Variants in PPP4R3A observed in about 807,000 individuals in gnomAD.
PPP4R3A encodes serine/threonine-protein phosphatase 4 regulatory subunit 3A.
In PPP4R3A, 15 loss-of-function variants were observed where a neutral mutation model predicts 91.7. The observed-to-expected ratio is 0.16, with a 90% CI of 0.11 to 0.25. The LOEUF (loss-of-function observed/expected upper bound fraction) is 0.25. Among genes scored for constraint, PPP4R3A ranks in the 10% least tolerant of loss-of-function variants. The probability of loss-of-function intolerance (pLI) is 1.00; values close to 1 mark genes in which losing one functional copy is unlikely to be tolerated. For synonymous variants in PPP4R3A, 377 were observed against 348.7 expected, an observed-to-expected ratio of 1.08 and a Z score of -0.91; for missense variants, 623 against 998.4, an observed-to-expected ratio of 0.62 and a Z score of 5.07.
At chr14:91,462,628 G>A in intron 12 of PPP4R3A, 107 bp downstream of exon 12, 1 of 1,235,386 alleles carries the variant, frequency 8.1e-7, no homozygotes, top group South Asian at 1.3e-5. Context: ...TTTGCTATCT[G>A]CTGATTTCCC....
intron 1 of PPP4R3A, among the ~76,000 whole-genome samples, chr14:91,499,393 ATAC>A (rs1215242487): frequency 2.6e-5 from 4 of 152,194 alleles, no homozygotes; most frequent in African/African-American, 9.7e-5. Flanking sequence ...GTACAGTGGA[ATAC>A]TACACTACTT....
At chr14:91,478,826 T>C (rs533793899) in intron 4 of PPP4R3A, among the ~76,000 whole-genome samples, 26 of 152,252 alleles carry the variant, frequency 1.7e-4, no homozygotes, top group Non-Finnish European at 3.2e-4. Context: ...CTGCTTTATA[T>C]GTAATGTGTG....
chr14:91,474,967 A>C (rs1275564383), intron 7 of PPP4R3A: 1 of 152,214 alleles, frequency 6.6e-6, no homozygotes, highest in African/African-American at 2.4e-5. Context: ...TCCTTTTGAC[A>C]TCACAATACA....
At chr14:91,464,148 C>A (rs1327055251) in intron 11 of PPP4R3A, among the ~76,000 whole-genome samples, 1 of 152,174 alleles carries the variant, frequency 6.6e-6, no homozygotes, top group African/African-American at 2.4e-5. Flanking sequence ...TAGTGAGACC[C>A]TATCTCTACT....
intron 1 of PPP4R3A, among the ~76,000 whole-genome samples, chr14:91,498,094 G>C (rs1890695849): frequency 6.6e-6 from 1 of 152,142 alleles, no homozygotes; most frequent in African/African-American, 2.4e-5. Context: ...CAGCACTTCA[G>C]GAGGCCAAGG....
rs923204166 is a variant in PPP4R3A at position 91,509,786 on chromosome 14, G to C, written c.-139C>G. 35 of 1,253,898 alleles carry C rather than the reference G, an allele frequency of 2.8e-5. No homozygotes were observed. Among genetic ancestry groups the C allele is most frequent in the Non-Finnish European group, 3.5e-5 (35 of 1,003,914 alleles). 77.7% of individuals were successfully genotyped at this position (1,253,898 alleles called of 1,614,324 possible). A position where few individuals can be genotyped will look rare whatever the true frequency, so the allele number is the denominator to read the frequency against. On this transcript the variant is annotated 5_prime_UTR_variant, in exon 1 of 15. Coordinates refer to ENST00000554943, the MANE Select transcript of PPP4R3A (RefSeq NM_001366432.2). ...TCACTGCCGCCGCTGGGCGCCGCGGGGCCGCGCCGCCGCCTGCATGGCCCG... is the reference window on the plus strand; with the variant it reads ...TCACTGCCGCCGCTGGGCGCCGCGGCGCCGCGCCGCCGCCTGCATGGCCCG...
In PPP4R3A at chr14:91,502,549, T is replaced by C. The variant is rs555406344; in HGVS notation, c.142+6957A>G. 1.2e-4 allele frequency among the ~76,000 whole-genome samples: 18 copies of C among 152,342 alleles called. No individual in the cohort carries two copies. The South Asian group carries it at 1.2e-3, about 11-fold the overall frequency. Reference sequence around the variant, plus strand: ...CTACTGACTGATCTGTTCATTTCTCTCACAGCTCTTACCCCCAAAAGCTTT... The same window carrying C: ...CTACTGACTGATCTGTTCATTTCTCCCACAGCTCTTACCCCCAAAAGCTTT... On this transcript the variant is annotated intron_variant, in intron 1 of 14. Coordinates refer to ENST00000554943, the MANE Select transcript of PPP4R3A (RefSeq NM_001366432.2).
chr14:91,495,713 T>G (rs1890520929), intron 1 of PPP4R3A, among the ~76,000 whole-genome samples: 2 of 151,670 alleles, frequency 1.3e-5, no homozygotes, highest in Non-Finnish European at 2.9e-5. Context: ...AAAAAACAGG[T>G]GGAGTGCAGC....
At chr14:91,484,134 A>G (rs1385020432) in intron 3 of PPP4R3A, among the ~76,000 whole-genome samples, 1 of 152,252 alleles carries the variant, frequency 6.6e-6, no homozygotes, top group Non-Finnish European at 1.5e-5. Context: ...TTGGATGGAA[A>G]GCAAAGAAAA....
chr14:91,468,644 G>A (rs1346660780), intron 10 of PPP4R3A, among the ~76,000 whole-genome samples: 1 of 103,376 alleles, frequency 9.7e-6, no homozygotes, highest in Non-Finnish European at 1.7e-5. Flanking sequence ...CTCCAGCCAA[G>A]GCGACAGAGT....
At chr14:91,497,165 G>C (rs1890625057) in intron 1 of PPP4R3A, among the ~76,000 whole-genome samples, 1 of 152,106 alleles carries the variant, frequency 6.6e-6, no homozygotes, top group Admixed American at 6.6e-5. Context: ...TTAAGAGGGA[G>C]GCAGAGAAGG....
chr14:91,481,069 A>G (rs1327807461), intron 4 of PPP4R3A, among the ~76,000 whole-genome samples: 1 of 151,742 alleles, frequency 6.6e-6, no homozygotes, highest in Non-Finnish European at 1.5e-5. Context: ...CCAGTGGCTC[A>G]CACCTGTAAT....
At chr14:91,462,710 T>G in intron 12 of PPP4R3A, 25 bp downstream of exon 12, 11 of 1,612,710 alleles carry the variant, frequency 6.8e-6, no homozygotes, top group Non-Finnish European at 9.3e-6. Context: ...GCTGAACGAA[T>G]AGGTTTAAAT....
rs531712142 is a variant in PPP4R3A at position 91,479,698 on chromosome 14, C to T, written c.915+1878G>A. 1.1e-4 allele frequency among the ~76,000 whole-genome samples: 16 copies of T among 152,240 alleles called. 1 individual carries two copies. Among genetic ancestry groups the T allele is most frequent in the African/African-American group, 3.9e-4 (16 of 41,546 alleles). On this transcript the variant is annotated intron_variant, in intron 4 of 14. Transcript: ENST00000554943. ...CTGGGATTACAGGCGTCCACCATCA[C>T]GTTTAGCTAATTGTTGTATTTTTAG...
chr14:91,473,053 G>A lies in PPP4R3A; in HGVS notation c.1481C>T (p.Thr494Ile). 2.5e-6 allele frequency: 4 copies of A among 1,614,034 alleles called. No homozygotes were observed. The highest frequency in any genetic ancestry group is 3.4e-6 in the Non-Finnish European group (4 of 1,179,958). ...VLTAPLLANT[T>I]EDKPSKDDFQ... Reference sequence around the variant, plus strand: ...CTTACCTTTACTAGGTTTGTCTTCTGTTGTATTTGCTAGTAAAGGAGCAGT... The same window carrying A: ...CTTACCTTTACTAGGTTTGTCTTCTATTGTATTTGCTAGTAAAGGAGCAGT... Residue 494 changes from threonine (T) to isoleucine (I), a missense_variant, in exon 9 of 15, where the codon ACA becomes ATA. Transcript: ENST00000554943.
At chr14:91,493,299 A>T (rs1372633788) in intron 1 of PPP4R3A, among the ~76,000 whole-genome samples, 2 of 144,502 alleles carry the variant, frequency 1.4e-5, no homozygotes, top group Non-Finnish European at 3.0e-5. Flanking sequence ...CCTGGTCAAC[A>T]GAGACTCTGC....
intron 10 of PPP4R3A, among the ~76,000 whole-genome samples, chr14:91,469,813 C>T (rs1298460259): frequency 1.3e-5 from 2 of 152,030 alleles, no homozygotes; most frequent in Non-Finnish European, 2.9e-5. Context: ...ATCTGCCAGC[C>T]TCATCCTCCC....
rs1053539098 is a variant in PPP4R3A at position 91,462,955 on chromosome 14, T to A, written c.1831-78A>T. 7.2e-6 allele frequency: 8 copies of A among 1,104,260 alleles called. No homozygotes were observed. In the African/African-American group the frequency reaches 9.5e-5, roughly 13 times the overall value. 68.4% of individuals were successfully genotyped at this position (1,104,260 alleles called of 1,614,324 possible). A position where few individuals can be genotyped will look rare whatever the true frequency, so the allele number is the denominator to read the frequency against. ...GATGAGGCTTAATTTAATCAATTCA[T>A]ACCCACCAAAAATAGCTTAATTTAA... On this transcript the variant is annotated intron_variant, in intron 11 of 14. Transcript: ENST00000554943.
chr14:91,465,501 C>A, intron 10 of PPP4R3A, 82 bp from the exon 11 acceptor site: 2 of 1,286,962 alleles, frequency 1.6e-6, no homozygotes, highest in Non-Finnish European at 2.1e-6. Flanking sequence ...AACCATCAAA[C>A]CAAAAAAAAC....
Sources: gnomAD v4.1 joint callset for allele counts (sites outside exome capture counted in the v4.1 genomes callset) on GRCh38, gnomAD v4.1.1 for gene constraint, MANE v1.5 for transcripts, NCBI Gene and HGNC (gene_info 2026-07-23, HGNC 2026-07-21) for gene names.